Variants in ADGB observed in about 807,000 individuals in gnomAD.
ADGB encodes androglobin.
A neutral mutation model predicts 210.5 loss-of-function variants in ADGB; 172 were observed. The ratio of observed to expected loss-of-function variants is 0.82; its 90% CI spans 0.72 to 0.93. ADGB has a LOEUF of 0.93. Among genes scored for constraint, ADGB ranks in the 40% least tolerant of loss-of-function variants. The probability of loss-of-function intolerance (pLI) is 0.00; values close to 1 mark genes in which losing one functional copy is unlikely to be tolerated. For synonymous variants in ADGB, 658 were observed against 662.7 expected, an observed-to-expected ratio of 0.99 and a Z score of 0.11; for missense variants, 2,025 against 1,964.8, an observed-to-expected ratio of 1.03 and a Z score of -0.58.
chr6:146,765,667 A>C (rs1166880052), intron 28 of ADGB, among the ~76,000 whole-genome samples: 1 of 151,520 alleles, frequency 6.6e-6, no homozygotes, highest in Non-Finnish European at 1.5e-5. Context: ...TGAAATACAT[A>C]AGATTCAATA....
chr6:146,717,476 C>A, intron 15 of ADGB, 60 bp from the exon 16 acceptor site: 2 of 882,570 alleles, frequency 2.3e-6, no homozygotes, highest in Non-Finnish European at 3.4e-6. Flanking sequence ...AGAAACTTAA[C>A]ATGTAGTACT....
chr6:146,722,982 G>A (rs1027462521), intron 17 of ADGB, among the ~76,000 whole-genome samples: 5 of 152,080 alleles, frequency 3.3e-5, no homozygotes, highest in African/African-American at 7.2e-5. Flanking sequence ...ACAGTACATG[G>A]CACTGTAAAT....
rs1053990619 is a variant in ADGB, at chr6:146,728,653, G to A, written c.2432G>A (p.Gly811Asp). 37 of 1,551,474 alleles carry A rather than the reference G, an allele frequency of 2.4e-5. No individual in the cohort carries two copies. The highest frequency in any genetic ancestry group is 4.1e-5 in the African/African-American group (3 of 73,032). ...GNVIANFKDK[G>D]KLSAALKDLQ... ...GTGATTGCTAATTTCAAAGATAAGG[G>A]TAAACTCTCTGCAGCTTTGAAGGAT... Residue 811 changes from glycine (G) to aspartate (D), a missense_variant, in exon 20 of 36, where the codon GGT becomes GAT. Gly to Asp is a moderately conservative substitution (Grantham distance 94). Transcript: ENST00000397944.
At chr6:146,605,705 A>G (rs1780621678) in intron 1 of ADGB, among the ~76,000 whole-genome samples, 1 of 152,128 alleles carries the variant, frequency 6.6e-6, no homozygotes, top group Non-Finnish European at 1.5e-5. Context: ...ACAGATTTGG[A>G]CATTTTATGA....
rs995076292 is a variant in ADGB at position 146,662,824 on chromosome 6, C to T, written c.613-1377C>T. 1.3e-5 allele frequency among the ~76,000 whole-genome samples: 2 copies of T among 151,014 alleles called. 1 individual carries two copies. The highest frequency in any genetic ancestry group is 4.2e-4 in the South Asian group (2 of 4,816). On this transcript the variant is annotated intron_variant, in intron 5 of 35. Transcript: ENST00000397944. The stretch of plus-strand genomic sequence containing the variant: ...CATTTATCGGCTGTGTCTCAAATGC[C>T]AGTTTAGTTTATAAAGCCTCTGATG...
At chr6:146,702,455 A>G (rs1482838834) in intron 13 of ADGB, among the ~76,000 whole-genome samples, 1 of 151,912 alleles carries the variant, frequency 6.6e-6, no homozygotes, top group Non-Finnish European at 1.5e-5. Context: ...GAACAGTAGG[A>G]TGCTGAGCTT....
chr6:146,741,574 G>T (rs1777164354), intron 25 of ADGB, among the ~76,000 whole-genome samples: 1 of 152,102 alleles, frequency 6.6e-6, no homozygotes, highest in Admixed American at 6.6e-5. Context: ...AAATAGAAAT[G>T]AATCTAAAGA....
At chr6:146,810,871 G>C (rs1269715506) in intron 35 of ADGB, among the ~76,000 whole-genome samples, 1 of 152,026 alleles carries the variant, frequency 6.6e-6, no homozygotes, top group Non-Finnish European at 1.5e-5. Context: ...GTGTATTTCA[G>C]GTACAGAATG....
At chr6:146,666,766 A>G (rs1431943271) in intron 6 of ADGB, 50 bp from the exon 7 acceptor site, 2 of 1,107,880 alleles carry the variant, frequency 1.8e-6, no homozygotes, top group Admixed American at 2.0e-5. Flanking sequence ...ATATATCTTT[A>G]TGTGTTTTCA....
In ADGB at chr6:146,685,752, C is replaced by A. The variant is rs1326522338; in HGVS notation, c.1235C>A (p.Thr412Asn). Residue 412 changes from threonine to asparagine, a missense_variant, in exon 10 of 36, where the codon ACC becomes AAC. Coordinates refer to ENST00000397944, the MANE Select transcript of ADGB (RefSeq NM_024694.4). ...SLSDCSSAIQ[T>N]SHMVVYATFT... ...TTTACAGGTTCTTCTGCAATACAGA[C>A]CTCTCATATGGTCGTATATGCGACA... The A allele has an allele frequency of 1.3e-6, 2 of 1,532,926 alleles. No individual in the cohort carries two copies. The highest frequency in any genetic ancestry group is 2.1e-5 in the Admixed American group (1 of 47,798). 95.0% of individuals were successfully genotyped at this position (1,532,926 alleles called of 1,614,324 possible).
intron 35 of ADGB, among the ~76,000 whole-genome samples, chr6:146,811,070 CTTAAT>C (rs1583651529): frequency 6.6e-6 from 1 of 152,124 alleles, no homozygotes; most frequent in Admixed American, 6.6e-5. Context: ...TGTAATGTTA[CTTAAT>C]TTAATAAATG....
intron 13 of ADGB, among the ~76,000 whole-genome samples, chr6:146,702,543 C>T (rs974730079): frequency 7.2e-5 from 11 of 151,730 alleles, no homozygotes; most frequent in South Asian, 2.1e-4. Flanking sequence ...TTCTGCCCTC[C>T]GTAGGAAACT....
chr6:146,760,067 T>G (rs569100865), intron 27 of ADGB, among the ~76,000 whole-genome samples: 1 of 151,372 alleles, frequency 6.6e-6, no homozygotes, highest in East Asian at 1.9e-4. Flanking sequence ...AATTAATGAC[T>G]AATGGATGGA....
intron 29 of ADGB, among the ~76,000 whole-genome samples, chr6:146,777,666 A>G (rs193021012): frequency 2.0e-5 from 3 of 152,330 alleles, no homozygotes; most frequent in African/African-American, 7.2e-5. Flanking sequence ...AAAGTTTGAG[A>G]ACCACTCTTG....
rs1554223536 is a variant in ADGB at position 146,647,115 on chromosome 6, A to AAC, written c.330+2251_330+2252insCA. Among the ~76,000 whole-genome samples the AAC allele has an allele frequency of 5.2e-3, 765 of 147,776 alleles. 14 individuals are homozygous for AAC. Among genetic ancestry groups the AAC allele is most frequent in the African/African-American group, 0.018 (706 of 38,818 alleles). ...AAAAAAAACAAAAAACAAAAAACAAAAAACAAACAAACAAACAAAAACACA... is the reference window on the plus strand; with the variant it reads ...AAAAAAAACAAAAAACAAAAAACAAAACAAACAAACAAACAAACAAAAACACA... On this transcript the variant is annotated intron_variant, in intron 3 of 35. Transcript: ENST00000397944.
chr6:146,698,292 A>G (rs1776438552), intron 12 of ADGB, among the ~76,000 whole-genome samples: 1 of 152,230 alleles, frequency 6.6e-6, no homozygotes, highest in South Asian at 2.1e-4. Flanking sequence ...GGTCTGTACC[A>G]TCGGTCACAC....
At chr6:146,811,873 A>G (rs1778308133) in intron 35 of ADGB, among the ~76,000 whole-genome samples, 1 of 151,950 alleles carries the variant, frequency 6.6e-6, no homozygotes, top group South Asian at 2.1e-4. Context: ...ACGGGGCTTC[A>G]CCATGTTGGT....
intron 27 of ADGB, among the ~76,000 whole-genome samples, chr6:146,760,107 T>C (rs1777463914): frequency 6.6e-6 from 1 of 152,032 alleles, no homozygotes; most frequent in South Asian, 2.1e-4. Flanking sequence ...CTTTGTGTTA[T>C]ACATTTTTAA....
intron 1 of ADGB, among the ~76,000 whole-genome samples, chr6:146,633,375 T>A (rs1434357369): frequency 6.6e-6 from 1 of 152,074 alleles, no homozygotes; most frequent in Non-Finnish European, 1.5e-5. Flanking sequence ...TCTAATAATA[T>A]CATTTTGGAC....
Sources: allele counts gnomAD v4.1 joint callset (sites outside exome capture counted in the v4.1 genomes callset), GRCh38; gene constraint gnomAD v4.1.1; transcripts MANE v1.5; gene names NCBI Gene and HGNC (gene_info 2026-07-23, HGNC 2026-07-21).